The following NCKAP5 variants were observed in gnomAD, a reference collection of about 807,000 sequenced individuals.
NCKAP5 encodes nck-associated protein 5.
NCKAP5 carries 92 observed loss-of-function variants against 167.0 expected under a neutral mutation model. The observed-to-expected ratio is 0.55, with a 90% CI of 0.47 to 0.66. The LOEUF is 0.66. NCKAP5 is among the 30% of genes least tolerant of loss of function. NCKAP5 has a pLI of 0.00. For missense variants in NCKAP5, 2,378 were observed against 2,315.0 expected, an observed-to-expected ratio of 1.03 and a Z score of -0.56; for synonymous variants, 891 against 877.4, an observed-to-expected ratio of 1.02 and a Z score of -0.27.
the NCKAP5 span, among the ~76,000 whole-genome samples, chr2:133,617,754 A>G: frequency 6.6e-6 from 1 of 151,730 alleles, no homozygotes; most frequent in African/African-American, 2.4e-5. Context: ...ATTCAATGCC[A>G]TCCCCATCAA....
intron 6 of NCKAP5, among the ~76,000 whole-genome samples, chr2:133,075,155 G>C (rs573846325): frequency 6.6e-5 from 10 of 152,284 alleles, no homozygotes; most frequent in African/African-American, 1.9e-4. Context: ...TCAACAATTT[G>C]AATACCTTTA....
intron 3 of NCKAP5, among the ~76,000 whole-genome samples, chr2:133,379,683 A>G (rs1686385296): frequency 1.3e-5 from 2 of 152,156 alleles, no homozygotes; most frequent in South Asian, 4.1e-4. Flanking sequence ...GACACATAGT[A>G]GGTTTTCAGT....
chr2:133,372,698 G>A (rs1685881077), intron 3 of NCKAP5, among the ~76,000 whole-genome samples: 2 of 152,218 alleles, frequency 1.3e-5, no homozygotes, highest in African/African-American at 4.8e-5. Flanking sequence ...CAACTGTATA[G>A]TGGTAGATTT....
At chr2:132,706,030 T>C (rs1004025356) in intron 19 of NCKAP5, among the ~76,000 whole-genome samples, 3 of 152,158 alleles carry the variant, frequency 2.0e-5, no homozygotes, top group African/African-American at 7.2e-5. Context: ...ATGTACACAA[T>C]ATATAAATAC....
At chr2:133,430,386 C>T (rs946624768) in intron 3 of NCKAP5, among the ~76,000 whole-genome samples, 2 of 152,050 alleles carry the variant, frequency 1.3e-5, no homozygotes, top group Non-Finnish European at 2.9e-5. Flanking sequence ...AATTAAGTCT[C>T]ATTTGTCTCC....
intron 3 of NCKAP5, among the ~76,000 whole-genome samples, chr2:133,388,390 T>C (rs1687150587): frequency 2.0e-5 from 3 of 152,190 alleles, no homozygotes; most frequent in Admixed American, 6.5e-5. Context: ...TGTCTGATCA[T>C]TCCTCTGGAG....
intron 3 of NCKAP5, among the ~76,000 whole-genome samples, chr2:133,496,312 G>T (rs1024781173): frequency 3.3e-5 from 5 of 152,168 alleles, no homozygotes; most frequent in Non-Finnish European, 5.9e-5. Context: ...CTTTCTGAAA[G>T]TTCCATTTCT....
Position 133,156,355 on chromosome 2 carries a change from A to G in NCKAP5, c.208-26244T>C, listed in dbSNP as rs1306255323. ...GCTGGTCCAGCTTTCCGGGTTTTCTATGATTCTGGAAGCTCTTTAGCAGAA... is the reference window on the plus strand; with the variant it reads ...GCTGGTCCAGCTTTCCGGGTTTTCTGTGATTCTGGAAGCTCTTTAGCAGAA... On this transcript the variant is annotated intron_variant, in intron 5 of 19. Transcript: ENST00000409261. Among the ~76,000 whole-genome samples the G allele has an allele frequency of 3.9e-5, 6 of 152,140 alleles. No individual in the cohort carries two copies. In the East Asian group the frequency reaches 1.2e-3, roughly 29 times the overall value.
intron 4 of NCKAP5, among the ~76,000 whole-genome samples, chr2:133,287,486 A>G (rs753852488): frequency 6.6e-6 from 1 of 152,234 alleles, no homozygotes; most frequent in Non-Finnish European, 1.5e-5. Context: ...ACAGCATCAG[A>G]CAATGCATTT....
At chr2:132,824,584 G>A (rs1686990881) in intron 11 of NCKAP5, among the ~76,000 whole-genome samples, 1 of 152,222 alleles carries the variant, frequency 6.6e-6, no homozygotes, top group African/African-American at 2.4e-5. Context: ...ATTGTGTATG[G>A]TGGTCACAAG....
At chr2:133,308,939 T>C (rs1681027085) in intron 3 of NCKAP5, among the ~76,000 whole-genome samples, 1 of 150,514 alleles carries the variant, frequency 6.6e-6, no homozygotes, top group East Asian at 1.9e-4. Flanking sequence ...CTCGATCTCC[T>C]GACCTCATGA....
chr2:132,737,245 A>G (rs1691612699), intron 16 of NCKAP5, among the ~76,000 whole-genome samples: 1 of 152,188 alleles, frequency 6.6e-6, no homozygotes, highest in African/African-American at 2.4e-5. Context: ...AGAATGGTAG[A>G]GAATCTCATA....
At chr2:133,446,005 C>T (rs1039939935) in intron 3 of NCKAP5, among the ~76,000 whole-genome samples, 2 of 152,086 alleles carry the variant, frequency 1.3e-5, no homozygotes, top group East Asian at 1.9e-4. Context: ...GAAGATAGAA[C>T]GATTAAGCTT....
intron 3 of NCKAP5, among the ~76,000 whole-genome samples, chr2:133,304,181 T>C (rs889269419): frequency 3.9e-5 from 6 of 152,162 alleles, no homozygotes; most frequent in East Asian, 1.9e-4. Context: ...ACTGCTCTTA[T>C]AGAAATATTC....
chr2:133,224,119 G>A (rs1043633696), intron 4 of NCKAP5, among the ~76,000 whole-genome samples: 40 of 152,104 alleles, frequency 2.6e-4, no homozygotes, highest in African/African-American at 8.9e-4. Context: ...TCTCAAAATT[G>A]TTCTTCTGCT....
intron 5 of NCKAP5, among the ~76,000 whole-genome samples, chr2:133,143,444 C>T (rs139619714): frequency 1.3e-5 from 2 of 152,246 alleles, no homozygotes; most frequent in East Asian, 3.9e-4. Flanking sequence ...AAAAACACAA[C>T]TGCTATAACA....
intron 6 of NCKAP5, among the ~76,000 whole-genome samples, chr2:133,038,673 C>T (rs2149447373): frequency 6.6e-6 from 1 of 152,208 alleles, no homozygotes; most frequent in East Asian, 1.9e-4. Flanking sequence ...ATAGATACCT[C>T]ATTCTCCATG....
Position 132,784,116 on chromosome 2 carries a change from G to C in NCKAP5, c.2695C>G (p.Pro899Ala), listed in dbSNP as rs1296185426. ...KSQTPGSRSR[P>A]AIESSDSGEP... ...CCACTGTCACTAGACTCAATGGCAG[G>C]CCTTGACCGTGACCCTGGAGTCTGA... Residue 899 changes from proline to alanine, a missense_variant, in exon 14 of 20, where the codon CCT becomes GCT. Around this residue, in one of 3 missense-constraint regions of NCKAP5, gnomAD observed 1,325 missense variants for 1,274.5 expected, o/e 1.04. Transcript: ENST00000409261. The C allele has an allele frequency of 1.3e-6, 2 of 1,522,034 alleles. No individual in the cohort carries two copies. The highest frequency in any genetic ancestry group is 4.5e-5 in the Admixed American group (2 of 44,636). 94.3% of individuals were successfully genotyped at this position (1,522,034 alleles called of 1,614,324 possible). A position where few individuals can be genotyped will look rare whatever the true frequency, so the allele number is the denominator to read the frequency against.
intron 16 of NCKAP5, among the ~76,000 whole-genome samples, chr2:132,755,475 T>A (rs1680457441): frequency 6.6e-6 from 1 of 152,188 alleles, no homozygotes; most frequent in East Asian, 1.9e-4. Context: ...TTTTATGCCA[T>A]GACTTCTGCA....
Sources: gnomAD v4.1 joint callset for allele counts (sites outside exome capture counted in the v4.1 genomes callset) on GRCh38, gnomAD v4.1.1 for gene constraint, gnomAD v4.1.1 regional missense constraint, MANE v1.5 for transcripts, NCBI Gene and HGNC (gene_info 2026-07-23, HGNC 2026-07-21) for gene names.